Variants in KIF6 observed in about 807,000 individuals in gnomAD.
KIF6 encodes kinesin family member 6.
Under a neutral mutation model 112.7 loss-of-function variants are expected in KIF6, and 106 were observed. The observed-to-expected ratio is 0.94, with a 90% CI of 0.80 to 1.11. The LOEUF is 1.11. Ranked by LOEUF, KIF6 falls within the 50% of genes least tolerant of loss-of-function variation. The pLI is 0.00. For synonymous variants in KIF6, 339 were observed against 339.9 expected, an observed-to-expected ratio of 1.00 and a Z score of 0.03; for missense variants, 929 against 964.0, an observed-to-expected ratio of 0.96 and a Z score of 0.48.
At chr6:39,441,911 G>A (rs982919045) in intron 13 of KIF6, among the ~76,000 whole-genome samples, 38 of 152,336 alleles carry the variant, frequency 2.5e-4, no homozygotes, top group African/African-American at 8.9e-4. Context: ...TAGGTTCTGA[G>A]GGCTGGCTTG....
chr6:39,647,706 A>ATTT (rs1185142569), intron 3 of KIF6, among the ~76,000 whole-genome samples: 4 of 136,648 alleles, frequency 2.9e-5, no homozygotes, highest in Admixed American at 7.4e-5. Flanking sequence ...GAAGGCCCTG[A>ATTT]TTTTTTTTTT....
intron 10 of KIF6, among the ~76,000 whole-genome samples, chr6:39,558,617 C>T (rs1395380459): frequency 5.3e-5 from 8 of 152,128 alleles, no homozygotes; most frequent in African/African-American, 1.9e-4. Flanking sequence ...GAGCAAGGAA[C>T]ATTAACACTG....
intron 2 of KIF6, among the ~76,000 whole-genome samples, chr6:39,718,039 C>A (rs997265802): frequency 1.3e-5 from 2 of 151,264 alleles, no homozygotes; most frequent in Non-Finnish European, 2.9e-5. Context: ...CCAGCCTGGC[C>A]AATGTGGTGA....
intron 9 of KIF6, among the ~76,000 whole-genome samples, chr6:39,579,201 C>A (rs1781148668): frequency 1.3e-5 from 2 of 152,152 alleles, no homozygotes; most frequent in Admixed American, 1.3e-4. Flanking sequence ...CTATCAACTA[C>A]AGATGTAAGT....
At chr6:39,527,770 C>T (rs1272883391) in intron 13 of KIF6, among the ~76,000 whole-genome samples, 1 of 152,210 alleles carries the variant, frequency 6.6e-6, no homozygotes, top group Non-Finnish European at 1.5e-5. Flanking sequence ...GCCAACTCTA[C>T]ACGGGTTTCC....
chr6:39,488,525 C>T (rs141497153), intron 13 of KIF6, among the ~76,000 whole-genome samples: 42 of 152,268 alleles, frequency 2.8e-4, no homozygotes, highest in Middle Eastern at 3.4e-3. Context: ...TGGGTTAGGT[C>T]TCCTTCTGTG....
At chr6:39,535,519 T>A (rs1204586241) in intron 13 of KIF6, among the ~76,000 whole-genome samples, 1 of 152,236 alleles carries the variant, frequency 6.6e-6, no homozygotes, top group Non-Finnish European at 1.5e-5. Context: ...CTAACTATCC[T>A]AAATATATAT....
At position 39,465,318 on chromosome 6, in the gene KIF6, T is replaced by C. The variant is rs1773722759; in HGVS notation, c.1646-34157A>G. On this transcript the variant is annotated intron_variant, in intron 13 of 22. Transcript: ENST00000287152. Reference sequence around the variant, plus strand: ...GACTTTTTGACGTGTGACTCTGGTCTCAAGAAATCAAAGTAATGACGTTAT... The same window carrying C: ...GACTTTTTGACGTGTGACTCTGGTCCCAAGAAATCAAAGTAATGACGTTAT... 2.0e-5 allele frequency among the ~76,000 whole-genome samples: 3 copies of C among 152,288 alleles called. No homozygotes were observed. In the South Asian group the frequency reaches 6.2e-4, roughly 32 times the overall value.
intron 10 of KIF6, among the ~76,000 whole-genome samples, chr6:39,566,989 C>T (rs1190575162): frequency 6.6e-6 from 1 of 152,058 alleles, no homozygotes; most frequent in African/African-American, 2.4e-5. Flanking sequence ...ATTCCAGTAA[C>T]AATTTTATAG....
At chr6:39,529,427 A>G (rs890283691) in intron 13 of KIF6, among the ~76,000 whole-genome samples, 1 of 152,234 alleles carries the variant, frequency 6.6e-6, no homozygotes, top group African/African-American at 2.4e-5. Flanking sequence ...CATATCTGAA[A>G]TAGATAAGAT....
intron 13 of KIF6, among the ~76,000 whole-genome samples, chr6:39,438,962 A>C (rs1442860668): frequency 6.6e-6 from 1 of 152,250 alleles, no homozygotes; most frequent in African/African-American, 2.4e-5. Context: ...TACAGTATTC[A>C]GTACAGTAAC....
At chr6:39,645,528 C>G (rs1785118235) in intron 3 of KIF6, among the ~76,000 whole-genome samples, 1 of 152,064 alleles carries the variant, frequency 6.6e-6, no homozygotes, top group Admixed American at 6.6e-5. Flanking sequence ...GGTGGATAAG[C>G]TTTTTGATGT....
In KIF6 at chr6:39,381,958, A is replaced by G. The variant is rs370478363; in HGVS notation, c.1861+3664T>C. 5.9e-5 allele frequency among the ~76,000 whole-genome samples: 9 copies of G among 152,296 alleles called. No individual in the cohort carries two copies. In the East Asian group the frequency reaches 1.4e-3, roughly 23 times the overall value. ...AGAGGAATTAAGGCACAAGCCTGTGATTGAAAACATACAGCAGTTTTCCAA... is the reference window on the plus strand; with the variant it reads ...AGAGGAATTAAGGCACAAGCCTGTGGTTGAAAACATACAGCAGTTTTCCAA... On this transcript the variant is annotated intron_variant, in intron 16 of 22. Transcript: ENST00000287152.
intron 21 of KIF6, among the ~76,000 whole-genome samples, chr6:39,344,271 T>C (rs1317059672): frequency 1.3e-5 from 2 of 152,246 alleles, no homozygotes; most frequent in African/African-American, 2.4e-5. Context: ...CCTTTCACCA[T>C]GATTGTGAGG....
chr6:39,537,265 G>A (rs1778495369), intron 13 of KIF6, among the ~76,000 whole-genome samples: 1 of 152,166 alleles, frequency 6.6e-6, no homozygotes, highest in Admixed American at 6.5e-5. Flanking sequence ...AGGAAAAGAG[G>A]AAGTCAAATT....
At position 39,419,830 on chromosome 6, in the gene KIF6, A is replaced by AG. The variant is rs1770220310; in HGVS notation, c.1810+117dup. 3 of 862,630 alleles carry AG rather than the reference A, an allele frequency of 3.5e-6. No individual in the cohort carries two copies. The South Asian group carries it at 4.0e-5, about 11-fold the overall frequency. 53.4% of individuals were successfully genotyped at this position (862,630 alleles called of 1,614,324 possible). A position where few individuals can be genotyped will look rare whatever the true frequency, so the allele number is the denominator to read the frequency against. ...AGGCTCTCAAAGCAGCTTCCTTGGC[A>AG]GGGGCTCTCCTGAAACTGGCCATTT... On this transcript the variant is annotated intron_variant, in intron 15 of 22. Coordinates refer to ENST00000287152, the MANE Select transcript of KIF6 (RefSeq NM_145027.6).
chr6:39,452,311 T>C (rs904477948), intron 13 of KIF6, among the ~76,000 whole-genome samples: 8 of 152,202 alleles, frequency 5.3e-5, no homozygotes, highest in African/African-American at 1.2e-4. Context: ...TTGGCATTCA[T>C]CTGTGGTGAA....
At chr6:39,607,955 A>G (rs936972049) in intron 6 of KIF6, among the ~76,000 whole-genome samples, 9 of 149,136 alleles carry the variant, frequency 6.0e-5, no homozygotes, top group African/African-American at 2.0e-4. Flanking sequence ...CCACAAGGAG[A>G]TTGGGGCTTA....
At chr6:39,489,758 C>G (rs1333717661) in intron 13 of KIF6, among the ~76,000 whole-genome samples, 1 of 151,986 alleles carries the variant, frequency 6.6e-6, no homozygotes, top group African/African-American at 2.4e-5. Flanking sequence ...TGAAACTACT[C>G]GATACAAACC....
Sources: gnomAD v4.1 joint callset for allele counts (sites outside exome capture counted in the v4.1 genomes callset) on GRCh38, gnomAD v4.1.1 for gene constraint, MANE v1.5 for transcripts, NCBI Gene and HGNC (gene_info 2026-07-23, HGNC 2026-07-21) for gene names.